Variants in SIL1 observed in about 807,000 individuals in gnomAD.
SIL1 encodes the protein SIL1 nucleotide exchange factor.
SIL1 carries 40 observed loss-of-function variants against 49.1 expected under a neutral mutation model. The observed-to-expected ratio is 0.81, with a 90% confidence interval of 0.63 to 1.06. The LOEUF (loss-of-function observed/expected upper bound fraction) is 1.06, where lower values mean the gene tolerates loss of function less well. SIL1 is among the 50% of genes least tolerant of loss of function. The pLI is 0.00. For missense variants in SIL1, 500 were observed against 572.6 expected, an observed-to-expected ratio of 0.87 and a Z score of 1.29; for synonymous variants, 253 against 250.8, an observed-to-expected ratio of 1.01 and a Z score of -0.08.
At chr5:139,155,013 G>A (rs1373142281) in intron 1 of SIL1, among the ~76,000 whole-genome samples, 1 of 152,154 alleles carries the variant, frequency 6.6e-6, no homozygotes, top group Admixed American at 6.5e-5. Flanking sequence ...TAAAAGAACA[G>A]ATAAAATGTA....
At chr5:139,137,568 T>A (rs1464784933) in intron 1 of SIL1, 1 of 428,648 alleles carries the variant, frequency 2.3e-6, no homozygotes, top group East Asian at 4.1e-5. Context: ...TTAGGGTACA[T>A]GTGCACAATG....
At chr5:139,191,976 G>A (rs1214635883) in intron 1 of SIL1, among the ~76,000 whole-genome samples, 1 of 151,164 alleles carries the variant, frequency 6.6e-6, no homozygotes, top group East Asian at 1.9e-4. Context: ...TCGGAAGGCT[G>A]AGGCAGAAGA....
chr5:139,018,529 G>A (rs1561830538), intron 7 of SIL1, among the ~76,000 whole-genome samples: 2 of 146,354 alleles, frequency 1.4e-5, no homozygotes, highest in Admixed American at 1.4e-4. Flanking sequence ...GGCAGAGGTT[G>A]CAGTGAGCCA....
intron 7 of SIL1, among the ~76,000 whole-genome samples, chr5:138,952,618 CGAAT>C (rs1766808084): frequency 1.3e-5 from 2 of 152,212 alleles, no homozygotes; most frequent in Admixed American, 1.3e-4. Context: ...AACGAACGAA[CGAAT>C]GAACAACACG....
At chr5:139,135,454 A>G (rs1750955020) in intron 1 of SIL1, among the ~76,000 whole-genome samples, 1 of 152,214 alleles carries the variant, frequency 6.6e-6, no homozygotes, top group Non-Finnish European at 1.5e-5. Context: ...TCCACCGTGC[A>G]GCCTGCAAGG....
chr5:138,979,221 C>T (rs917061148), intron 7 of SIL1, among the ~76,000 whole-genome samples: 4 of 152,020 alleles, frequency 2.6e-5, no homozygotes, highest in African/African-American at 7.2e-5. Context: ...TGCACCACCA[C>T]GCCCAGCTAA....
chr5:138,983,660 C>G (rs1475192951), intron 7 of SIL1, among the ~76,000 whole-genome samples: 1 of 152,076 alleles, frequency 6.6e-6, no homozygotes, highest in East Asian at 1.9e-4. Flanking sequence ...CAACCACCCA[C>G]TCTACCCTGC....
intron 5 of SIL1, among the ~76,000 whole-genome samples, chr5:139,039,871 G>A (rs990907370): frequency 6.6e-6 from 1 of 152,148 alleles, no homozygotes; most frequent in Non-Finnish European, 1.5e-5. Context: ...ATAAGTAGAC[G>A]AGATTCAACC....
chr5:139,161,407 C>T lies in SIL1; in HGVS notation c.-10-33554G>A, dbSNP rs1450401336. On this transcript the variant is annotated intron_variant, in intron 1 of 9. Transcript: ENST00000394817. ...AAGTCAGGTTAAAGGTAACCATGTG[C>T]TTTGAGAAAAGGAAAAGGAGAAGCC... Among the ~76,000 whole-genome samples the T allele has an allele frequency of 2.6e-5, 4 of 152,146 alleles. No individual in the cohort carries two copies. The East Asian group carries it at 7.7e-4, about 29-fold the overall frequency.
At chr5:139,113,047 T>C (rs1308030168) in intron 3 of SIL1, among the ~76,000 whole-genome samples, 1 of 152,182 alleles carries the variant, frequency 6.6e-6, no homozygotes, top group Non-Finnish European at 1.5e-5. Flanking sequence ...CAGGGTTAAA[T>C]GGATTAAGGG....
At chr5:139,051,600 T>C (rs1352343196) in intron 3 of SIL1, among the ~76,000 whole-genome samples, 1 of 152,208 alleles carries the variant, frequency 6.6e-6, no homozygotes, top group Non-Finnish European at 1.5e-5. Flanking sequence ...TCCTTTTTGA[T>C]TTCCCAGCCC....
intron 7 of SIL1, among the ~76,000 whole-genome samples, chr5:138,996,508 T>C (rs915224188): frequency 2.0e-5 from 3 of 149,730 alleles, no homozygotes; most frequent in African/African-American, 2.5e-5. Flanking sequence ...TTCTTTGCTG[T>C]GCAGATTTTT....
intron 3 of SIL1, among the ~76,000 whole-genome samples, chr5:139,117,246 T>G (rs1168398912): frequency 6.6e-6 from 1 of 152,198 alleles, no homozygotes; most frequent in African/African-American, 2.4e-5. Flanking sequence ...GAAGATAGTA[T>G]GGCACAGTGG....
At chr5:139,139,820 C>G (rs979790260) in intron 1 of SIL1, among the ~76,000 whole-genome samples, 4 of 152,064 alleles carry the variant, frequency 2.6e-5, no homozygotes, top group African/African-American at 9.7e-5. Flanking sequence ...AACCTCATCT[C>G]TACTAAAAAA....
chr5:139,001,989 T>A (rs1005570731), intron 7 of SIL1, among the ~76,000 whole-genome samples: 6 of 151,528 alleles, frequency 4.0e-5, no homozygotes, highest in Non-Finnish European at 5.9e-5. Flanking sequence ...GGCAGGCCTA[T>A]CACTTGAGCT....
At chr5:139,143,722 G>A (rs766472854) in intron 1 of SIL1, among the ~76,000 whole-genome samples, 2 of 152,066 alleles carry the variant, frequency 1.3e-5, no homozygotes, top group African/African-American at 2.4e-5. Context: ...ACCTGTTAGA[G>A]CTAATAAATT....
At chr5:139,069,950 T>C (rs1769793969) in intron 3 of SIL1, among the ~76,000 whole-genome samples, 1 of 152,094 alleles carries the variant, frequency 6.6e-6, no homozygotes, top group African/African-American at 2.4e-5. Flanking sequence ...AACACAGAGA[T>C]TACTGTTTCG....
rs373058513 is a variant in SIL1, at chr5:139,089,652, A to C, written c.244+31383T>G. Among the ~76,000 whole-genome samples the C allele has an allele frequency of 2.6e-4, 40 of 152,374 alleles. No individual in the cohort carries two copies. The East Asian group carries it at 6.9e-3, about 26-fold the overall frequency. ...GGCATGAAGTATTGATACATGCTACATCATGGGTGAACTTCAAAAATTATT... is the reference window on the plus strand; with the variant it reads ...GGCATGAAGTATTGATACATGCTACCTCATGGGTGAACTTCAAAAATTATT... On this transcript the variant is annotated intron_variant, in intron 3 of 9. Transcript: ENST00000394817.
At chr5:139,098,283 A>G (rs1770513087) in intron 3 of SIL1, among the ~76,000 whole-genome samples, 1 of 152,200 alleles carries the variant, frequency 6.6e-6, no homozygotes, top group Admixed American at 6.5e-5. Flanking sequence ...CCCAGAAACA[A>G]ATGCACATAC....
Sources: gnomAD v4.1 joint callset for allele counts (sites outside exome capture counted in the v4.1 genomes callset) on GRCh38, gnomAD v4.1.1 for gene constraint, MANE v1.5 for transcripts, NCBI Gene and HGNC (gene_info 2026-07-23, HGNC 2026-07-21) for gene names.